SRBD1: variants seen among roughly 807,000 people sequenced by gnomAD.
SRBD1 encodes S1 RNA-binding domain-containing protein 1.
A neutral mutation model predicts 115.3 loss-of-function variants in SRBD1; 88 were observed. That is an observed-to-expected ratio of 0.76 (90% CI 0.64 to 0.91). The LOEUF (loss-of-function observed/expected upper bound fraction) is 0.91, where lower values mean the gene tolerates loss of function less well. SRBD1 is among the 40% of genes least tolerant of loss of function. The probability of loss-of-function intolerance (pLI) is 0.00; values close to 1 mark genes in which losing one functional copy is unlikely to be tolerated. For missense variants in SRBD1, 1,385 were observed against 1,177.4 expected, an observed-to-expected ratio of 1.18 and a Z score of -2.58; for synonymous variants, 509 against 407.7, an observed-to-expected ratio of 1.25 and a Z score of -2.99.
intron 15 of SRBD1, among the ~76,000 whole-genome samples, chr2:45,478,810 G>A (rs766927534): frequency 6.6e-6 from 1 of 152,068 alleles, no homozygotes; most frequent in Admixed American, 6.6e-5. Context: ...ACCAAGTCAA[G>A]AATTTAAGAA....
At chr2:45,458,895 A>T (rs1258608112) in intron 16 of SRBD1, among the ~76,000 whole-genome samples, 1 of 151,834 alleles carries the variant, frequency 6.6e-6, no homozygotes, top group East Asian at 1.9e-4. Flanking sequence ...GTTTTGGCAA[A>T]TATTATATGA....
intron 16 of SRBD1, among the ~76,000 whole-genome samples, chr2:45,475,134 G>C (rs897164399): frequency 6.6e-6 from 1 of 151,974 alleles, no homozygotes; most frequent in East Asian, 1.9e-4. Context: ...CTGAATTACT[G>C]ATCTTAACCC....
At chr2:45,426,322 A>G (rs1668153944) in intron 16 of SRBD1, among the ~76,000 whole-genome samples, 1 of 152,212 alleles carries the variant, frequency 6.6e-6, no homozygotes, top group Non-Finnish European at 1.5e-5. Context: ...TGGGCAGGGC[A>G]TCTCTGAAAG....
At chr2:45,505,862 C>A (rs557295890) in intron 14 of SRBD1, among the ~76,000 whole-genome samples, 64 of 152,250 alleles carry the variant, frequency 4.2e-4, no homozygotes, top group African/African-American at 1.5e-3. Context: ...GGTCAGACTT[C>A]TTTCTATTTA....
intron 16 of SRBD1, among the ~76,000 whole-genome samples, chr2:45,427,341 TAG>T (rs1668186425): frequency 6.6e-6 from 1 of 152,052 alleles, no homozygotes; most frequent in Non-Finnish European, 1.5e-5. Context: ...GCAAATTGGA[TAG>T]AGTCAAGACC....
chr2:45,506,190 A>C (rs1396139988), intron 14 of SRBD1, among the ~76,000 whole-genome samples: 1 of 152,158 alleles, frequency 6.6e-6, no homozygotes, highest in Non-Finnish European at 1.5e-5. Flanking sequence ...ACTAGGGTTC[A>C]CTCAGATGAG....
chr2:45,532,463 T>G (rs536316936), intron 14 of SRBD1, among the ~76,000 whole-genome samples: 10 of 151,894 alleles, frequency 6.6e-5, no homozygotes, highest in African/African-American at 2.4e-4. Flanking sequence ...CCTGATGAAA[T>G]AGGGATTAAT....
At chr2:45,400,366 G>C (rs979150653) in intron 19 of SRBD1, among the ~76,000 whole-genome samples, 1 of 152,030 alleles carries the variant, frequency 6.6e-6, no homozygotes, top group African/African-American at 2.4e-5. Context: ...GAGAAGGACA[G>C]GCAAATATTT....
intron 19 of SRBD1, among the ~76,000 whole-genome samples, chr2:45,399,045 T>G (rs1558552247): frequency 1.3e-5 from 2 of 151,082 alleles, no homozygotes. Flanking sequence ...TTTTGAAAAA[T>G]AACAAACCAT....
intron 14 of SRBD1, among the ~76,000 whole-genome samples, chr2:45,545,441 A>C (rs73927535): frequency 0.057 from 8,658 of 152,088 alleles, 825 homozygotes; most frequent in African/African-American, 0.2. Flanking sequence ...CATCTTCACT[A>C]CTTAATATTT....
At chr2:45,544,636 T>C (rs1407588105) in intron 14 of SRBD1, among the ~76,000 whole-genome samples, 3 of 152,220 alleles carry the variant, frequency 2.0e-5, no homozygotes, top group Admixed American at 1.3e-4. Flanking sequence ...ACATTATTAC[T>C]ATCCAAAGTG....
intron 16 of SRBD1, among the ~76,000 whole-genome samples, chr2:45,430,621 T>C (rs1220071214): frequency 6.6e-6 from 1 of 152,194 alleles, no homozygotes; most frequent in Non-Finnish European, 1.5e-5. Context: ...ACCCCTTCCT[T>C]ACATCTTATA....
intron 9 of SRBD1, among the ~76,000 whole-genome samples, chr2:45,565,539 G>C (rs1008261957): frequency 6.6e-6 from 1 of 151,990 alleles, no homozygotes; most frequent in African/African-American, 2.4e-5. Context: ...ATTAAAAAAG[G>C]AGAAAATTTT....
chr2:45,393,231 G>A, intron 19 of SRBD1, 102 bp from the exon 20 acceptor site: 1 of 1,183,034 alleles, frequency 8.5e-7, no homozygotes, highest in Admixed American at 3.0e-5. Flanking sequence ...AGACCCATAG[G>A]TCAATCAATC....
chr2:45,425,247 C>G (rs1195112644), intron 16 of SRBD1, among the ~76,000 whole-genome samples: 1 of 152,142 alleles, frequency 6.6e-6, no homozygotes, highest in Non-Finnish European at 1.5e-5. Flanking sequence ...ACTATCAAAA[C>G]TCCTTGAGAT....
intron 16 of SRBD1, among the ~76,000 whole-genome samples, chr2:45,472,543 G>A (rs1669680070): frequency 1.3e-5 from 2 of 152,172 alleles, no homozygotes; most frequent in South Asian, 2.1e-4. Flanking sequence ...CTATGCAAAG[G>A]CATGATCATT....
intron 16 of SRBD1, among the ~76,000 whole-genome samples, chr2:45,425,434 C>T (rs28441520): frequency 0.17 from 25,277 of 151,982 alleles, 2,771 homozygotes; most frequent in African/African-American, 0.3. Context: ...TAAATATCCA[C>T]ATAGAGGTGA....
At chr2:45,482,034 G>A (rs988205178) in intron 15 of SRBD1, among the ~76,000 whole-genome samples, 2 of 152,056 alleles carry the variant, frequency 1.3e-5, no homozygotes, top group Admixed American at 6.6e-5. Context: ...AAAACTAGAC[G>A]GTGGTGATAG....
intron 16 of SRBD1, among the ~76,000 whole-genome samples, chr2:45,420,855 A>C (rs1558381201): frequency 6.6e-6 from 1 of 152,036 alleles, no homozygotes; most frequent in Non-Finnish European, 1.5e-5. Context: ...TAATCTTTTT[A>C]TTTTATTTTA....
Sources: gnomAD v4.1 joint callset for allele counts (sites outside exome capture counted in the v4.1 genomes callset) on GRCh38, gnomAD v4.1.1 for gene constraint, MANE v1.5 for transcripts, NCBI Gene and HGNC (gene_info 2026-07-23, HGNC 2026-07-21) for gene names.